Variants in FGF10 observed in about 807,000 individuals in gnomAD.
FGF10 encodes the protein FGF-10.
A neutral mutation model predicts 19.8 loss-of-function variants in FGF10; 2 were observed. The ratio of observed to expected loss-of-function variants is 0.10; its 90% CI spans 0.04 to 0.32. The LOEUF (loss-of-function observed/expected upper bound fraction) is 0.32, where lower values mean the gene tolerates loss of function less well. FGF10 is among the 10% of genes least tolerant of loss of function. The probability of loss-of-function intolerance (pLI) is 1.00; values close to 1 mark genes in which losing one functional copy is unlikely to be tolerated. For synonymous variants in FGF10, 112 were observed against 94.0 expected (o/e 1.19, Z -1.10); for missense variants, 191 against 246.3 (o/e 0.78, Z 1.50).
intron 1 of FGF10, among the ~76,000 whole-genome samples, chr5:44,365,200 C>T (rs1040827562): frequency 1.3e-5 from 2 of 151,588 alleles, no homozygotes; most frequent in Non-Finnish European, 2.9e-5. Context: ...AGACTTTATA[C>T]CCCAAGATGA....
chr5:44,349,250 A>G (rs1019200117), intron 1 of FGF10, among the ~76,000 whole-genome samples: 5 of 149,734 alleles, frequency 3.3e-5, no homozygotes, highest in Admixed American at 2.7e-4. Flanking sequence ...CTATTTCTTC[A>G]GCCATCTCAT....
At chr5:44,364,527 C>T (rs1741562985) in intron 1 of FGF10, among the ~76,000 whole-genome samples, 1 of 151,764 alleles carries the variant, frequency 6.6e-6, no homozygotes, top group South Asian at 2.1e-4. Flanking sequence ...AGGGCAGGCT[C>T]CTACCACAAA....
chr5:44,308,167 A>T (rs1257033021), intron 2 of FGF10, among the ~76,000 whole-genome samples: 1 of 152,222 alleles, frequency 6.6e-6, no homozygotes, highest in African/African-American at 2.4e-5. Flanking sequence ...ATTTGAATGA[A>T]ATAATTCACA....
At chr5:44,312,512 G>A (rs1339887584) in intron 1 of FGF10, among the ~76,000 whole-genome samples, 1 of 152,038 alleles carries the variant, frequency 6.6e-6, no homozygotes, top group Non-Finnish European at 1.5e-5. Context: ...CTGACAAAAT[G>A]ACTCATCAAG....
chr5:44,332,619 T>C (rs1036308185), intron 1 of FGF10, among the ~76,000 whole-genome samples: 3 of 152,134 alleles, frequency 2.0e-5, no homozygotes, highest in Non-Finnish European at 4.4e-5. Context: ...TTGGTTAAAA[T>C]AGCGCTTCTC....
rs558753117 is a variant in FGF10 at position 44,303,723 on chromosome 5, A to T, written c.*1272T>A. 23 of 152,318 alleles carry T rather than the reference A, an allele frequency of 1.5e-4. No homozygotes were observed. Among genetic ancestry groups the T allele is most frequent in the African/African-American group, 5.3e-4 (22 of 41,594 alleles). The allele number at this position is 152,318 out of a possible 1,614,324, so 9.4% of individuals were successfully genotyped here. On this transcript the variant is annotated 3_prime_UTR_variant, in exon 3 of 3. Coordinates refer to ENST00000264664, the MANE Select transcript of FGF10 (RefSeq NM_004465.2). Reference sequence around the variant, plus strand: ...TGGTTTTGTAAAGACTAGATCATACAGCTAGAACAGGTTTTTGTATATGGT... The same window carrying T: ...TGGTTTTGTAAAGACTAGATCATACTGCTAGAACAGGTTTTTGTATATGGT...
intron 1 of FGF10, among the ~76,000 whole-genome samples, chr5:44,349,451 T>TATATATATATATATATATATATATCAGA (rs1741178685): frequency 1.5e-3 from 25 of 16,690 alleles, no homozygotes; most frequent in South Asian, 4.1e-3. Context: ...TATATATATA[T>TATATATATATATATATATATATATCAGA]ATATATATAT....
chr5:44,380,067 A>G (rs1741953139), intron 1 of FGF10, among the ~76,000 whole-genome samples: 1 of 152,218 alleles, frequency 6.6e-6, no homozygotes, highest in Non-Finnish European at 1.5e-5. Flanking sequence ...CTGCAGAGAT[A>G]TTCCCAAAAA....
intron 1 of FGF10, among the ~76,000 whole-genome samples, chr5:44,324,677 G>A (rs929710188): frequency 2.0e-5 from 3 of 152,086 alleles, no homozygotes; most frequent in Non-Finnish European, 2.9e-5. Context: ...AATAATGCAT[G>A]ATGATTAAAA....
At chr5:44,314,524 A>G (rs928303542) in intron 1 of FGF10, among the ~76,000 whole-genome samples, 5 of 151,264 alleles carry the variant, frequency 3.3e-5, no homozygotes, top group Non-Finnish European at 7.4e-5. Flanking sequence ...TTCCCTCATG[A>G]TGCATCATCA....
At position 44,388,739 on chromosome 5, in the gene FGF10, G is replaced by A; in HGVS notation, c.-57C>T. 2.5e-6 allele frequency: 4 copies of A among 1,579,254 alleles called. No homozygotes were observed. Among genetic ancestry groups the A allele is most frequent in the Non-Finnish European group, 3.5e-6 (4 of 1,150,492 alleles). The stretch of plus-strand genomic sequence containing the variant: ...TCATCAGAAGGAACATACTGGAAGG[G>A]TAAGACCCGATGCAAGGCAAGGAGA... On this transcript the variant is annotated 5_prime_UTR_variant, in exon 1 of 3. Transcript: ENST00000264664.
chr5:44,303,597 AT>A lies in FGF10; in HGVS notation c.*1397del, dbSNP rs1740007739. 6.6e-6 allele frequency: 1 copy of A among 152,164 alleles called. No individual in the cohort carries two copies. The highest frequency in any genetic ancestry group is 1.5e-5 in the Non-Finnish European group (1 of 68,020). 9.4% of individuals were successfully genotyped at this position (152,164 alleles called of 1,614,324 possible). On this transcript the variant is annotated 3_prime_UTR_variant, in exon 3 of 3. Transcript: ENST00000264664. ...ATGTGATGATGATTGGTAAACTCTT[AT>A]GTACTCTTTTCTATACCTGCTCTAA...
chr5:44,314,174 G>A (rs1398040147), intron 1 of FGF10, among the ~76,000 whole-genome samples: 1 of 152,170 alleles, frequency 6.6e-6, no homozygotes, highest in East Asian at 1.9e-4. Flanking sequence ...ACAGTATGGT[G>A]TTTTCAAATA....
rs200886626 is a variant in FGF10 at position 44,388,663 on chromosome 5, G to A, written c.20C>T (p.Thr7Ile). 2.3e-5 allele frequency: 37 copies of A among 1,614,066 alleles called. 1 individual carries two copies. The South Asian group carries it at 4.1e-4, about 18-fold the overall frequency. Reference protein sequence around the residue: MWKWILTHCASAFPHLP... With the variant: MWKWILIHCASAFPHLP... ...GTGGGGAAAGGCTGAGGCACAATGT[G>A]TCAGTATCCATTTCCACATTGTACT... is the stretch of plus-strand genomic sequence containing the variant. Residue 7 changes from threonine to isoleucine, a missense_variant, in exon 1 of 3, where the codon ACA becomes ATA. Around this residue, in one of 2 missense-constraint regions of FGF10, gnomAD observed 92 missense variants for 84.6 expected, o/e 1.09. Coordinates refer to ENST00000264664, the MANE Select transcript of FGF10 (RefSeq NM_004465.2).
chr5:44,343,621 T>C (rs1416494903), intron 1 of FGF10, among the ~76,000 whole-genome samples: 1 of 151,978 alleles, frequency 6.6e-6, no homozygotes, highest in Non-Finnish European at 1.5e-5. Context: ...TCTCAGTTTA[T>C]TACTAATATG....
chr5:44,367,215 C>A (rs1011242104), intron 1 of FGF10, among the ~76,000 whole-genome samples: 2 of 151,858 alleles, frequency 1.3e-5, no homozygotes, highest in Non-Finnish European at 2.9e-5. Flanking sequence ...CCATTTTTTT[C>A]ATCTGTTTCT....
chr5:44,310,417 G>A lies in FGF10; in HGVS notation c.429+10C>T. The stretch of plus-strand genomic sequence containing the variant: ...TGGAGTGGATTTGAAAACAAAAGCA[G>A]AATACTTACTGAGCCATAGAGTTTC... On this transcript the variant is annotated intron_variant, in intron 2 of 2. Coordinates refer to ENST00000264664, the MANE Select transcript of FGF10 (RefSeq NM_004465.2). The A allele has an allele frequency of 6.3e-7, 1 of 1,582,956 alleles. No homozygotes were observed. Among genetic ancestry groups the A allele is most frequent in the Non-Finnish European group, 8.7e-7 (1 of 1,152,514 alleles).
intron 1 of FGF10, among the ~76,000 whole-genome samples, chr5:44,349,209 T>C (rs72763201): frequency 0.071 from 10,682 of 150,540 alleles, 511 homozygotes; most frequent in Middle Eastern, 0.11. Flanking sequence ...GTCTCTATAA[T>C]CTTTTGCCTC....
rs1299267450 is a variant in FGF10 at position 44,349,450 on chromosome 5, ATAT to A, written c.325+38905_325+38907del. Among the ~76,000 whole-genome samples, 73 of 13,388 alleles carry A rather than the reference ATAT, an allele frequency of 5.5e-3. 3 individuals carry two copies. The highest frequency in any genetic ancestry group is 0.012 in the Admixed American group (18 of 1,554). The allele number at this position is 13,388 out of a possible 152,430, so 8.8% of individuals were successfully genotyped here. On this transcript the variant is annotated intron_variant, in intron 1 of 2. Transcript: ENST00000264664. ...TATATATATATATATATATATATATATATATATATATATATATATCAGAATATA... is the reference window on the plus strand; with the variant it reads ...TATATATATATATATATATATATATAATATATATATATATATCAGAATATA...
Sources: allele counts gnomAD v4.1 joint callset (sites outside exome capture counted in the v4.1 genomes callset), GRCh38; gene constraint gnomAD v4.1.1; regional missense constraint gnomAD v4.1.1; transcripts MANE v1.5; gene names NCBI Gene and HGNC (gene_info 2026-07-23, HGNC 2026-07-21).